The following CACNA1E variants were observed in gnomAD, a reference collection of about 807,000 sequenced individuals.
CACNA1E encodes calcium voltage-gated channel subunit alpha1 E.
Under a neutral mutation model 259.2 loss-of-function variants are expected in CACNA1E, and 40 were observed. The observed-to-expected ratio is 0.15, with a 90% CI of 0.12 to 0.20. The LOEUF is 0.20. Ranked by LOEUF, CACNA1E falls within the 10% of genes least tolerant of loss-of-function variation. CACNA1E has a pLI of 1.00. For missense variants in CACNA1E, 1,874 were observed against 3,040.1 expected (o/e 0.62, Z 9.02); for synonymous variants, 1,104 against 1,138.5 (o/e 0.97, Z 0.61).
chr1:181,452,887 C>T (rs1661250465), intron 2 of CACNA1E, among the ~76,000 whole-genome samples: 1 of 152,256 alleles, frequency 6.6e-6, no homozygotes, highest in South Asian at 2.1e-4. Context: ...CACCCTACCA[C>T]CTTTTTCTAG....
In CACNA1E at chr1:181,799,387, A is replaced by G. The variant is rs1181457070; in HGVS notation, c.*553A>G. 1 of 153,108 alleles carries G rather than the reference A, an allele frequency of 6.5e-6. No individual in the cohort carries two copies. The highest frequency in any genetic ancestry group is 2.4e-5 in the African/African-American group (1 of 41,476). The allele number at this position is 153,108 out of a possible 1,614,324, so 9.5% of individuals were successfully genotyped here. The stretch of plus-strand genomic sequence containing the variant: ...GGGCAGCACAGGCTAAGTCAGGAAC[A>G]TCGGATGCCAGGGAGGGAGGAGAAA... On this transcript the variant is annotated 3_prime_UTR_variant, in exon 48 of 48. Transcript: ENST00000367573.
At chr1:181,714,273 C>T (rs955825712) in intron 8 of CACNA1E, among the ~76,000 whole-genome samples, 8 of 152,078 alleles carry the variant, frequency 5.3e-5, no homozygotes, top group East Asian at 1.9e-4. Context: ...CAAAACCATA[C>T]TGTATTATAA....
At chr1:181,512,704 T>C (rs974208693) in intron 3 of CACNA1E, among the ~76,000 whole-genome samples, 6 of 152,198 alleles carry the variant, frequency 3.9e-5, no homozygotes, top group African/African-American at 1.4e-4. Flanking sequence ...AATATGTAAA[T>C]GGAAGCACGT....
At chr1:181,323,917 C>G (rs748728276) in intron 1 of CACNA1E, among the ~76,000 whole-genome samples, 1 of 152,206 alleles carries the variant, frequency 6.6e-6, no homozygotes, top group African/African-American at 2.4e-5. Flanking sequence ...GGAAAGCCAG[C>G]CTTCCAACCT....
At position 181,726,218 on chromosome 1, in the gene CACNA1E, A is replaced by T. The variant is rs1654897228; in HGVS notation, c.2240+56A>T. 3.3e-6 allele frequency: 4 copies of T among 1,216,166 alleles called. No homozygotes were observed. In the South Asian group the frequency reaches 5.1e-5, roughly 16 times the overall value. The allele number at this position is 1,216,166 out of a possible 1,614,324, so 75.3% of individuals were successfully genotyped here. On this transcript the variant is annotated intron_variant, in intron 18 of 47. Transcript: ENST00000367573. ...GAGCTCCTGTGCTAACAGCCAATTC[A>T]TCAACTCACAGAACTATTGGTTATA...
chr1:181,459,708 C>T (rs1661681765), intron 2 of CACNA1E, among the ~76,000 whole-genome samples: 1 of 152,222 alleles, frequency 6.6e-6, no homozygotes, highest in Non-Finnish European at 1.5e-5. Flanking sequence ...GACTGACCAA[C>T]TCCATGCATG....
chr1:181,702,186 GGTTT>G (rs988875233), intron 7 of CACNA1E, among the ~76,000 whole-genome samples: 21 of 151,982 alleles, frequency 1.4e-4, no homozygotes, highest in African/African-American at 5.1e-4. Flanking sequence ...TTTCCATCCT[GGTTT>G]GTTTAACTCC....
At chr1:181,498,861 T>G (rs950792441) in intron 1 of CACNA1E, among the ~76,000 whole-genome samples, 1 of 152,180 alleles carries the variant, frequency 6.6e-6, no homozygotes, top group African/African-American at 2.4e-5. Flanking sequence ...CTTCTGGGGC[T>G]TCCTCATCCT....
At position 181,340,752 on chromosome 1, in the gene CACNA1E, GATGTT is replaced by G. The variant is rs1652084321; in HGVS notation, c.-15+22633_-15+22637del. ...CTTAGTTTCTACCCTCCTGGCCTAG[GATGTT>G]ATGAGTGTCCCTCAAGGAAAAATTC... On this transcript the variant is annotated intron_variant, in intron 1 of 11. Transcript: ENST00000524607. Among the ~76,000 whole-genome samples the G allele has an allele frequency of 3.9e-5, 6 of 152,194 alleles. No homozygotes were observed. In the South Asian group the frequency reaches 1.2e-3, roughly 32 times the overall value.
In CACNA1E at chr1:181,733,713, C is replaced by T. The variant is rs572301954; in HGVS notation, c.3225C>T (p.Pro1075=). 1.5e-5 allele frequency: 24 copies of T among 1,585,016 alleles called. 1 individual carries two copies. The highest frequency in any genetic ancestry group is 1.1e-4 in the Admixed American group (6 of 56,368). ...TESTSVTVAI[P]DVDPLVDSTV... is the part of the protein sequence containing the mutation. ...GCACCAGCGTCACCGTCGCCATCCC[C>T]GACGTGGACCCCTTGGTGGACTCAA... The change falls in exon 21 of 48, where the codon CCC becomes CCT. Residue 1075 remains proline, a synonymous_variant. Transcript: ENST00000367573.
At chr1:181,655,271 A>G (rs1486763175) in intron 7 of CACNA1E, among the ~76,000 whole-genome samples, 1 of 152,220 alleles carries the variant, frequency 6.6e-6, no homozygotes, top group Non-Finnish European at 1.5e-5. Context: ...CTGAAAACTC[A>G]GCATGACTAA....
intron 1 of CACNA1E, among the ~76,000 whole-genome samples, chr1:181,342,844 C>T (rs1193513079): frequency 1.3e-5 from 2 of 152,168 alleles, no homozygotes; most frequent in Non-Finnish European, 2.9e-5. Flanking sequence ...GGTGCTTCCA[C>T]ATGTGCTCAC....
At chr1:181,587,692 G>A (rs1652205044) in intron 6 of CACNA1E, among the ~76,000 whole-genome samples, 1 of 152,060 alleles carries the variant, frequency 6.6e-6, no homozygotes, top group African/African-American at 2.4e-5. Flanking sequence ...GACCATCCTG[G>A]CTAACACGGT....
At chr1:181,461,130 A>G (rs911259724) in intron 2 of CACNA1E, among the ~76,000 whole-genome samples, 3 of 152,210 alleles carry the variant, frequency 2.0e-5, no homozygotes, top group Non-Finnish European at 4.4e-5. Context: ...GTAACAGATC[A>G]TTACAAAACA....
chr1:181,657,429 C>T (rs968984943), intron 7 of CACNA1E, among the ~76,000 whole-genome samples: 1 of 152,020 alleles, frequency 6.6e-6, no homozygotes, highest in Non-Finnish European at 1.5e-5. Flanking sequence ...CCAGAAGAAA[C>T]AGGTAAAAGA....
chr1:181,659,918 G>T (rs776555166), intron 7 of CACNA1E, among the ~76,000 whole-genome samples: 3 of 152,196 alleles, frequency 2.0e-5, no homozygotes, highest in Non-Finnish European at 2.9e-5. Flanking sequence ...CAGGGATACT[G>T]ACACCTGAGG....
intron 6 of CACNA1E, among the ~76,000 whole-genome samples, chr1:181,590,658 G>A (rs536999589): frequency 1.4e-4 from 22 of 152,184 alleles, no homozygotes; most frequent in African/African-American, 5.3e-4. Context: ...GCAGTGTGCA[G>A]TCTTCCTCAC....
intron 25 of CACNA1E, among the ~76,000 whole-genome samples, chr1:181,740,865 G>T (rs1208598484): frequency 6.6e-6 from 1 of 152,094 alleles, no homozygotes; most frequent in Non-Finnish European, 1.5e-5. Flanking sequence ...AAGCATCTGG[G>T]CCCTGTCTGG....
chr1:181,602,904 G>A lies in CACNA1E; in HGVS notation c.951+22128G>A, dbSNP rs140445706. 3.0e-4 allele frequency among the ~76,000 whole-genome samples: 46 copies of A among 152,248 alleles called. 2 individuals carry two copies. The East Asian group carries it at 7.3e-3, about 24-fold the overall frequency. ...TTGAGTCCACAAGATCCATACTTAC[G>A]CATGAAAATTACTCTAGGATCTCTT... On this transcript the variant is annotated intron_variant, in intron 6 of 47. Coordinates refer to ENST00000367573, the MANE Select transcript of CACNA1E (RefSeq NM_001205293.3).
Sources: gnomAD v4.1 joint callset for allele counts (sites outside exome capture counted in the v4.1 genomes callset) on GRCh38, gnomAD v4.1.1 for gene constraint, MANE v1.5 for transcripts, NCBI Gene and HGNC (gene_info 2026-07-23, HGNC 2026-07-21) for gene names.